Variants in TOMM20 observed in about 807,000 individuals in gnomAD.
The protein encoded by TOMM20 is mitochondrial import receptor subunit TOM20 homolog.
Under a neutral mutation model 22.1 loss-of-function variants are expected in TOMM20, and 10 were observed. The observed-to-expected ratio is 0.45, with a 90% CI of 0.28 to 0.77. The LOEUF (loss-of-function observed/expected upper bound fraction) is 0.77. Among genes scored for constraint, TOMM20 ranks in the 30% least tolerant of loss-of-function variants. The pLI is 0.13. For missense variants in TOMM20, 121 were observed against 172.2 expected (o/e 0.70, Z 1.66); for synonymous variants, 55 against 61.4 (o/e 0.90, Z 0.49).
intron 3 of TOMM20, among the ~76,000 whole-genome samples, chr1:235,118,843 C>T (rs1416617664): frequency 2.0e-5 from 3 of 152,142 alleles, no homozygotes; most frequent in Non-Finnish European, 4.4e-5. Context: ...TGATTTTTAC[C>T]CCTTCCCAGT....
At chr1:235,127,686 T>G (rs1661047848) in intron 1 of TOMM20, 1 of 370,370 alleles carries the variant, frequency 2.7e-6, no homozygotes, top group Non-Finnish European at 5.4e-6. Flanking sequence ...AGCCAAAAAA[T>G]ATTTCTTATT....
At chr1:235,114,051 A>G (rs538979390) in intron 3 of TOMM20, 141 bp from the exon 4 acceptor site, 10 of 836,588 alleles carry the variant, frequency 1.2e-5, no homozygotes, top group African/African-American at 3.4e-5. Context: ...ATGCATTCAT[A>G]TAACTATTAT....
rs765785500 is a variant in TOMM20, at chr1:235,119,753, T to A, written c.250+65A>T. The A allele has an allele frequency of 9.9e-6, 11 of 1,110,954 alleles. 1 individual carries two copies. Among genetic ancestry groups the A allele is most frequent in the Non-Finnish European group, 1.5e-5 (11 of 757,702 alleles). 68.8% of individuals were successfully genotyped at this position (1,110,954 alleles called of 1,614,324 possible). On this transcript the variant is annotated intron_variant, in intron 3 of 4. Transcript: ENST00000366607. Reference sequence around the variant, plus strand: ...CAAATTACACAAACAAAGCCCCTTATCATTATAAATTTCTATCAGTGAGAA... The same window carrying A: ...CAAATTACACAAACAAAGCCCCTTAACATTATAAATTTCTATCAGTGAGAA...
intron 4 of TOMM20, among the ~76,000 whole-genome samples, chr1:235,113,036 C>A (rs1465644008): frequency 6.6e-6 from 1 of 152,120 alleles, no homozygotes; most frequent in Admixed American, 6.5e-5. Context: ...CAGTTACTAA[C>A]TATAAAGTTC....
At position 235,116,924 on chromosome 1, in the gene TOMM20, A is replaced by G. The variant is rs995442241; in HGVS notation, c.250+2894T>C. ...GCCAAGGCGGGCGGATCACAAGGTC[A>G]GGAGATCGAGACCATCCTGGCTAAC... On this transcript the variant is annotated intron_variant, in intron 3 of 4. Coordinates refer to ENST00000366607, the MANE Select transcript of TOMM20 (RefSeq NM_014765.3). 1.2e-4 allele frequency among the ~76,000 whole-genome samples: 18 copies of G among 150,550 alleles called. No individual in the cohort carries two copies. In the East Asian group the frequency reaches 2.6e-3, roughly 22 times the overall value.
chr1:235,111,924 C>T lies in TOMM20; in HGVS notation c.*140G>A. 2.7e-6 allele frequency: 2 copies of T among 734,660 alleles called. No individual in the cohort carries two copies. The highest frequency in any genetic ancestry group is 2.4e-6 in the Non-Finnish European group (1 of 423,302). 45.5% of individuals were successfully genotyped at this position (734,660 alleles called of 1,614,324 possible). On this transcript the variant is annotated 3_prime_UTR_variant, in exon 5 of 5. Transcript: ENST00000366607. Reference sequence around the variant, plus strand: ...TAAATAAAATAGACAAATGGATCTACACAAAGTAAACATTAACTTTGGTAG... The same window carrying T: ...TAAATAAAATAGACAAATGGATCTATACAAAGTAAACATTAACTTTGGTAG...
intron 1 of TOMM20, 94 bp downstream of exon 1, chr1:235,128,501 G>A (rs1661074197): frequency 1.3e-6 from 2 of 1,581,528 alleles, no homozygotes; most frequent in Non-Finnish European, 1.7e-6. Flanking sequence ...GTCGCCCTGC[G>A]CGGCCCACAG....
At chr1:235,113,736 C>G (rs1177742708) in intron 4 of TOMM20, 32 bp downstream of exon 4, 1 of 1,575,412 alleles carries the variant, frequency 6.3e-7, no homozygotes, top group Non-Finnish European at 8.6e-7. Context: ...AAATCCCACT[C>G]ACTTTTATGT....
chr1:235,113,948 GC>G, intron 3 of TOMM20, 38 bp from the exon 4 acceptor site: 1 of 1,524,372 alleles, frequency 6.6e-7, no homozygotes, highest in Admixed American at 2.3e-5. Context: ...AACCTGAAAA[GC>G]CTTGGCCTTT....
chr1:235,128,031 G>T (rs1486313157), intron 1 of TOMM20: 3 of 349,242 alleles, frequency 8.6e-6, no homozygotes, highest in Non-Finnish European at 1.7e-5. Context: ...AAAAATCACC[G>T]GGCGTGGTGA....
intron 1 of TOMM20, among the ~76,000 whole-genome samples, chr1:235,125,111 T>TA (rs769013364): frequency 6.6e-6 from 1 of 152,266 alleles, no homozygotes; most frequent in Non-Finnish European, 1.5e-5. Context: ...AGGATCCTGA[T>TA]ACTCTGCTTT....
intron 4 of TOMM20, among the ~76,000 whole-genome samples, chr1:235,112,873 T>C (rs1197762962): frequency 6.6e-6 from 1 of 152,222 alleles, no homozygotes; most frequent in African/African-American, 2.4e-5. Context: ...GTATGAATCC[T>C]CTAGAACTAG....
chr1:235,128,305 A>C (rs1661067946), intron 1 of TOMM20, among the ~76,000 whole-genome samples: 1 of 152,260 alleles, frequency 6.6e-6, no homozygotes, highest in Non-Finnish European at 1.5e-5. Context: ...AAAAAGAGAC[A>C]ACCTCCTCCC....
At chr1:235,122,405 G>T in intron 1 of TOMM20, 33 bp from the exon 2 acceptor site, 3 of 1,560,206 alleles carry the variant, frequency 1.9e-6, no homozygotes, top group Non-Finnish European at 2.6e-6. Context: ...TTTACATTTT[G>T]TCATTATAAA....
chr1:235,120,258 A>G (rs959145364), intron 2 of TOMM20, among the ~76,000 whole-genome samples: 2 of 152,102 alleles, frequency 1.3e-5, no homozygotes, highest in African/African-American at 4.8e-5. Flanking sequence ...ATTATTTTAT[A>G]CAGATTTTGT....
At chr1:235,125,841 C>T (rs1171609545) in intron 1 of TOMM20, among the ~76,000 whole-genome samples, 1 of 151,594 alleles carries the variant, frequency 6.6e-6, no homozygotes, top group East Asian at 1.9e-4. Flanking sequence ...CCTCAGCATC[C>T]CAGGTTCAAG....
At position 235,113,718 on chromosome 1, in the gene TOMM20, T is replaced by C. The variant is rs376281860; in HGVS notation, c.393+50A>G. ...CTCATTTTAAAATGTCCCTAATCAT[T>C]CGATTCTAAATCCCACTCACTTTTA... On this transcript the variant is annotated intron_variant, in intron 4 of 4. Transcript: ENST00000366607. 34 of 1,556,498 alleles carry C rather than the reference T, an allele frequency of 2.2e-5. No homozygotes were observed. In the African/African-American group the frequency reaches 4.6e-4, roughly 21 times the overall value.
At position 235,111,060 on chromosome 1, in the gene TOMM20, C is replaced by T. The variant is rs1660731639; in HGVS notation, c.*1004G>A. The stretch of plus-strand genomic sequence containing the variant: ...ACAAGCATTTTTACAAGCAGATCAT[C>T]CCAGTTACCTTAAAAGTTTCGGATT... On this transcript the variant is annotated 3_prime_UTR_variant, in exon 5 of 5. Transcript: ENST00000366607. 1 of 152,146 alleles carries T rather than the reference C, an allele frequency of 6.6e-6. No individual in the cohort carries two copies. Among genetic ancestry groups the T allele is most frequent in the African/African-American group, 2.4e-5 (1 of 41,416 alleles). The allele number at this position is 152,146 out of a possible 1,614,324, so 9.4% of individuals were successfully genotyped here.
Position 235,109,832 on chromosome 1 carries a change from G to A in TOMM20, c.*2232C>T, listed in dbSNP as rs1175239906. 1.3e-5 allele frequency: 2 copies of A among 152,190 alleles called. No individual in the cohort carries two copies. The highest frequency in any genetic ancestry group is 4.8e-5 in the African/African-American group (2 of 41,442). 9.4% of individuals were successfully genotyped at this position (152,190 alleles called of 1,614,324 possible). On this transcript the variant is annotated 3_prime_UTR_variant, in exon 5 of 5. Transcript: ENST00000366607. ...TAGTAAGTGTGCAACATTAGCACAT[G>A]GAAACGCTCAAGCTGTGTATTAGTT...
Sources: allele counts gnomAD v4.1 joint callset (sites outside exome capture counted in the v4.1 genomes callset), GRCh38; gene constraint gnomAD v4.1.1; transcripts MANE v1.5; gene names NCBI Gene and HGNC (gene_info 2026-07-23, HGNC 2026-07-21).